Variants in ATXN7L1 observed in about 807,000 individuals in gnomAD.
ATXN7L1 encodes ataxin-7-like protein 1.
In ATXN7L1, 15 loss-of-function variants were observed where a neutral mutation model predicts 70.8. The ratio of observed to expected loss-of-function variants is 0.21; its 90% CI spans 0.14 to 0.33. ATXN7L1 has a LOEUF of 0.33. Among genes scored for constraint, ATXN7L1 ranks in the 10% least tolerant of loss-of-function variants. The pLI is 1.00. For synonymous variants in ATXN7L1, 440 were observed against 445.1 expected (o/e 0.99, Z 0.14); for missense variants, 975 against 1,097.1 (o/e 0.89, Z 1.57).
At chr7:105,681,905 T>TA (rs1447558798) in intron 3 of ATXN7L1, among the ~76,000 whole-genome samples, 8 of 152,068 alleles carry the variant, frequency 5.3e-5, no homozygotes, top group Non-Finnish European at 2.9e-5. Flanking sequence ...TCAATGGGTA[T>TA]AGAGTTTCGG....
At chr7:105,749,452 G>T (rs970319696) in intron 3 of ATXN7L1, among the ~76,000 whole-genome samples, 1 of 151,642 alleles carries the variant, frequency 6.6e-6, no homozygotes, top group Non-Finnish European at 1.5e-5. Context: ...TGTCATTTGG[G>T]GGTGGAGATA....
At chr7:105,776,568 T>C (rs1802763267) in intron 3 of ATXN7L1, among the ~76,000 whole-genome samples, 1 of 151,826 alleles carries the variant, frequency 6.6e-6, no homozygotes, top group Admixed American at 6.6e-5. Flanking sequence ...GCACTCCTTG[T>C]GTGGACTCAG....
At chr7:105,678,422 G>A (rs1022432251) in intron 3 of ATXN7L1, among the ~76,000 whole-genome samples, 14 of 152,154 alleles carry the variant, frequency 9.2e-5, no homozygotes, top group African/African-American at 2.7e-4. Flanking sequence ...TAGTGAGCCC[G>A]TCAGTCCACC....
intron 2 of ATXN7L1, among the ~76,000 whole-genome samples, chr7:105,870,599 A>G (rs1818113391): frequency 6.6e-6 from 1 of 152,240 alleles, no homozygotes. Context: ...TATGAGGCAC[A>G]GGAACCCTAT....
chr7:105,711,271 C>T (rs565614347), intron 3 of ATXN7L1, among the ~76,000 whole-genome samples: 17 of 152,178 alleles, frequency 1.1e-4, no homozygotes, highest in Non-Finnish European at 2.2e-4. Flanking sequence ...TATCATCTGT[C>T]CCTGGCCCCT....
At chr7:105,820,534 T>C (rs1160023790) in intron 2 of ATXN7L1, among the ~76,000 whole-genome samples, 2 of 152,220 alleles carry the variant, frequency 1.3e-5, no homozygotes, top group Non-Finnish European at 2.9e-5. Context: ...CTCGGCCATG[T>C]AGCTGCCTTC....
chr7:105,797,209 AG>A (rs1328394904), intron 2 of ATXN7L1, among the ~76,000 whole-genome samples: 2 of 152,204 alleles, frequency 1.3e-5, no homozygotes, highest in Non-Finnish European at 2.9e-5. Context: ...TGCCACGGCT[AG>A]GCTGGAAGGC....
At chr7:105,841,934 G>C (rs1034445695) in intron 2 of ATXN7L1, among the ~76,000 whole-genome samples, 1 of 152,268 alleles carries the variant, frequency 6.6e-6, no homozygotes, top group African/African-American at 2.4e-5. Flanking sequence ...TACTTTATAA[G>C]CATTCTTAGA....
chr7:105,673,958 G>C (rs1045947741), intron 3 of ATXN7L1, among the ~76,000 whole-genome samples: 1 of 152,226 alleles, frequency 6.6e-6, no homozygotes, highest in South Asian at 2.1e-4. Flanking sequence ...GGAAAGTCAG[G>C]TGATAGGACA....
rs1554442470 is a variant in ATXN7L1 at position 105,727,748 on chromosome 7, A to ATATATATATATATATG, written c.355+60855_355+60856insCATATATATATATATA. Among the ~76,000 whole-genome samples, 11 of 25,586 alleles carry ATATATATATATATATG rather than the reference A, an allele frequency of 4.3e-4. 1 individual carries two copies. Among genetic ancestry groups the ATATATATATATATATG allele is most frequent in the Non-Finnish European group, 6.3e-4 (9 of 14,358 alleles). 16.8% of individuals were successfully genotyped at this position (25,586 alleles called of 152,430 possible). ...TAGGGGTGTGTGTGTGTATGTGTGT[A>ATATATATATATATATG]TATATATATATATATATATATATAT... On this transcript the variant is annotated intron_variant, in intron 3 of 11. Coordinates refer to ENST00000419735, the MANE Select transcript of ATXN7L1 (RefSeq NM_020725.2).
At chr7:105,722,550 G>C (rs1353893940) in intron 3 of ATXN7L1, among the ~76,000 whole-genome samples, 1 of 109,108 alleles carries the variant, frequency 9.2e-6, no homozygotes, top group Non-Finnish European at 1.7e-5. Flanking sequence ...AACAGAGTGA[G>C]ACTCTGCCTT....
chr7:105,864,415 C>T (rs1345788065), intron 2 of ATXN7L1, among the ~76,000 whole-genome samples: 1 of 141,328 alleles, frequency 7.1e-6, no homozygotes, highest in Non-Finnish European at 1.5e-5. Context: ...CTTGATCATG[C>T]CACTGCACTC....
In ATXN7L1 at chr7:105,871,084, G is replaced by GTTTT. The variant is rs3999852; in HGVS notation, c.250+4724_250+4727dup. 3.6e-3 allele frequency among the ~76,000 whole-genome samples: 487 copies of GTTTT among 135,038 alleles called. 4 individuals carry two copies. The highest frequency in any genetic ancestry group is 0.012 in the African/African-American group (431 of 36,266). 88.6% of individuals were successfully genotyped at this position (135,038 alleles called of 152,430 possible). A position where few individuals can be genotyped will look rare whatever the true frequency, so the allele number is the denominator to read the frequency against. Reference sequence around the variant, plus strand: ...AGATATTTTTAATGTGAGGGCTTGGGTTTTTTTTTTTTTTTTTTTAAGTTT... The same window carrying GTTTT: ...AGATATTTTTAATGTGAGGGCTTGGGTTTTTTTTTTTTTTTTTTTTTTTAAGTTT... On this transcript the variant is annotated intron_variant, in intron 2 of 11. Transcript: ENST00000419735.
At chr7:105,825,369 G>A (rs1810722401) in intron 2 of ATXN7L1, among the ~76,000 whole-genome samples, 1 of 152,082 alleles carries the variant, frequency 6.6e-6, no homozygotes, top group African/African-American at 2.4e-5. Context: ...ACAGTAGGCT[G>A]AGGGGCTAAT....
At chr7:105,841,141 G>A (rs544819565) in intron 2 of ATXN7L1, among the ~76,000 whole-genome samples, 6 of 152,140 alleles carry the variant, frequency 3.9e-5, no homozygotes, top group Non-Finnish European at 8.8e-5. Flanking sequence ...ACAGTTTCCC[G>A]GTGTCTAATG....
intron 4 of ATXN7L1, among the ~76,000 whole-genome samples, chr7:105,654,613 TCAC>T (rs1800332473): frequency 6.6e-6 from 1 of 152,242 alleles, no homozygotes; most frequent in Admixed American, 6.5e-5. Context: ...TTTCTTATCT[TCAC>T]CACAAAATAG....
At chr7:105,752,402 G>A (rs1174281605) in intron 3 of ATXN7L1, among the ~76,000 whole-genome samples, 1 of 152,080 alleles carries the variant, frequency 6.6e-6, no homozygotes, top group African/African-American at 2.4e-5. Context: ...TTCCATCCTT[G>A]GAATCTCCCA....
intron 3 of ATXN7L1, among the ~76,000 whole-genome samples, chr7:105,767,774 G>A (rs1472367138): frequency 6.6e-6 from 1 of 152,208 alleles, no homozygotes; most frequent in Admixed American, 6.5e-5. Context: ...GGCTCTTTCA[G>A]AACCCCTCTG....
intron 11 of ATXN7L1, among the ~76,000 whole-genome samples, chr7:105,610,095 T>A (rs1411326852): frequency 6.6e-6 from 1 of 152,214 alleles, no homozygotes; most frequent in Non-Finnish European, 1.5e-5. Flanking sequence ...TCAAATCATC[T>A]TCTTTAATTT....
Sources: gnomAD v4.1 joint callset for allele counts (sites outside exome capture counted in the v4.1 genomes callset) on GRCh38, gnomAD v4.1.1 for gene constraint, MANE v1.5 for transcripts, NCBI Gene and HGNC (gene_info 2026-07-23, HGNC 2026-07-21) for gene names.